NFKBIB: variants seen among roughly 807,000 people sequenced by gnomAD.
The protein encoded by NFKBIB is NF-kappa-B inhibitor beta.
In NFKBIB, 16 loss-of-function variants were observed where a neutral mutation model predicts 32.1. That is an observed-to-expected ratio of 0.50 (90% CI 0.34 to 0.76). The LOEUF is 0.76. Ranked by LOEUF, NFKBIB falls within the 30% of genes least tolerant of loss-of-function variation. The pLI is 0.01. For synonymous variants in NFKBIB, 222 were observed against 219.5 expected (o/e 1.01, Z -0.10); for missense variants, 437 against 514.9 (o/e 0.85, Z 1.46).
intron 1 of NFKBIB, 138 bp downstream of exon 1, chr19:38,900,349 C>A: frequency 1.1e-6 from 1 of 917,784 alleles, no homozygotes; most frequent in Non-Finnish European, 1.6e-6. Context: ...CTCTAACCCC[C>A]GAGTCCTAAC....
chr19:38,903,842 G>A (rs1300341636), intron 1 of NFKBIB, among the ~76,000 whole-genome samples: 3 of 152,012 alleles, frequency 2.0e-5, no homozygotes, highest in African/African-American at 7.2e-5. Context: ...AGGCCAAGGC[G>A]GGTGGATCAC....
In NFKBIB at chr19:38,905,306, G is replaced by C; in HGVS notation, c.390G>C (p.Ala130=). 1 of 1,607,866 alleles carries C rather than the reference G, an allele frequency of 6.2e-7. No homozygotes were observed. Among genetic ancestry groups the C allele is most frequent in the Non-Finnish European group, 8.5e-7 (1 of 1,178,178 alleles). The change falls in exon 3 of 6, where the codon GCG becomes GCC. Residue 130 remains alanine (A), a synonymous_variant. Coordinates refer to ENST00000313582, the MANE Select transcript of NFKBIB (RefSeq NM_002503.5). This position sits in a 1 kb window ranked among gnomAD's most constrained non-coding sequence, Gnocchi z 5.5. ...TGGCGGAGCGTAGGGGCCACACGGCGCTGCACCTGGCCTGCCGTGTGGGGG... is the reference window on the plus strand; with the variant it reads ...TGGCGGAGCGTAGGGGCCACACGGCCCTGCACCTGGCCTGCCGTGTGGGGG... ...LCVAERRGHT[A]LHLACRVGAH...
At chr19:38,906,155 T>TTTTTTTA (rs1974111132) in intron 3 of NFKBIB, among the ~76,000 whole-genome samples, 3 of 135,874 alleles carry the variant, frequency 2.2e-5, no homozygotes, top group African/African-American at 8.0e-5. Flanking sequence ...TTTTTTTTTT[T>TTTTTTTA]GAGACAGTCT....
intron 1 of NFKBIB, among the ~76,000 whole-genome samples, chr19:38,902,631 G>T (rs550048505): frequency 1.3e-5 from 2 of 151,036 alleles, no homozygotes; most frequent in African/African-American, 2.4e-5. Context: ...AAAATCAAAA[G>T]AATAATAATA....
intron 1 of NFKBIB, among the ~76,000 whole-genome samples, chr19:38,902,203 C>G (rs1221521225): frequency 6.6e-6 from 1 of 150,868 alleles, no homozygotes; most frequent in African/African-American, 2.4e-5. Context: ...GCCTCAGCCT[C>G]CCGAGTAGCT....
At chr19:38,899,930 G>A (rs1411698921), upstream of NFKBIB, 54 of 1,196,518 alleles carry the variant, frequency 4.5e-5, 1 homozygote, top group South Asian at 8.6e-4. Context: ...GGTGAATCAG[G>A]GGGCGTGGTG....
chr19:38,907,524 C>T lies in NFKBIB; in HGVS notation c.834C>T (p.Leu278=), dbSNP rs750595727. The T allele has an allele frequency of 2.6e-5, 42 of 1,612,546 alleles. No homozygotes were observed. The East Asian group carries it at 4.7e-4, about 18-fold the overall frequency. Residue 278 remains leucine (L), a synonymous_variant, in exon 5 of 6, where the codon CTC becomes CTT. Coordinates refer to ENST00000313582, the MANE Select transcript of NFKBIB (RefSeq NM_002503.5). ...GCATGTACGGTGGCCGCACCCCACT[C>T]GGCAGTGCCATGCTCCGGCCCAACC... ...AARMYGGRTP[L]GSAMLRPNPI... is the part of the protein sequence containing the mutation.
intron 1 of NFKBIB, 35 bp downstream of exon 1, chr19:38,900,246 GGACCCGGCGTCACATTC>G: frequency 6.5e-7 from 1 of 1,547,826 alleles, no homozygotes; most frequent in Non-Finnish European, 8.7e-7. Flanking sequence ...CGGAGCCCTA[GGACCCGGCGTCACATTC>G]CTCATTAATC....
chr19:38,901,757 T>A (rs1254088635), intron 1 of NFKBIB, among the ~76,000 whole-genome samples: 1 of 152,100 alleles, frequency 6.6e-6, no homozygotes, highest in African/African-American at 2.4e-5. Flanking sequence ...CCTCTCAGAG[T>A]GCTGGGATTA....
upstream of NFKBIB, chr19:38,899,748 G>A (rs529957919): frequency 2.8e-6 from 2 of 721,712 alleles, no homozygotes; most frequent in South Asian, 1.7e-5. Context: ...AGGTAAGAAA[G>A]CGCGCGAGGA....
At chr19:38,903,401 A>T (rs1264862001) in intron 1 of NFKBIB, among the ~76,000 whole-genome samples, 3 of 152,074 alleles carry the variant, frequency 2.0e-5, no homozygotes, top group Non-Finnish European at 4.4e-5. Flanking sequence ...GTCCTGCCTC[A>T]GCCTCCTGTG....
intron 1 of NFKBIB, among the ~76,000 whole-genome samples, chr19:38,901,902 T>C (rs1973977678): frequency 6.6e-6 from 1 of 152,028 alleles, no homozygotes; most frequent in South Asian, 2.1e-4. Flanking sequence ...TTAATTAGTG[T>C]TTAGACCATT....
In NFKBIB at chr19:38,907,596, G is replaced by C; in HGVS notation, c.906G>C (p.Glu302Asp). Residue 302 changes from glutamate to aspartate, a missense_variant, in exon 5 of 6, where the codon GAG becomes GAC. Glu to Asp is a conservative substitution (Grantham distance 45). Coordinates refer to ENST00000313582, the MANE Select transcript of NFKBIB (RefSeq NM_002503.5). ...LLRAHGAPEP[E>D]GEDEKSGPCS... Reference sequence around the variant, plus strand: ...GTGCACACGGAGCCCCTGAGCCCGAGGGCGAGGACGAGAAATCCGGCCCCT... The same window carrying C: ...GTGCACACGGAGCCCCTGAGCCCGACGGCGAGGACGAGAAATCCGGCCCCT... 6.2e-7 allele frequency: 1 copy of C among 1,612,016 alleles called. No homozygotes were observed. Among genetic ancestry groups the C allele is most frequent in the Non-Finnish European group, 8.5e-7 (1 of 1,179,498 alleles).
chr19:38,907,326 G>A lies in NFKBIB; in HGVS notation c.708+17G>A, dbSNP rs1324275269. 1.2e-6 allele frequency: 2 copies of A among 1,608,956 alleles called. No individual in the cohort carries two copies. The highest frequency in any genetic ancestry group is 1.7e-5 in the Admixed American group (1 of 59,860). The stretch of plus-strand genomic sequence containing the variant: ...GACAAACCGGTGAGCCCCAACCTCG[G>A]GGAAGATGCCGTCGGCGGGAGGGGG... On this transcript the variant is annotated intron_variant, in intron 4 of 5. Coordinates refer to ENST00000313582, the MANE Select transcript of NFKBIB (RefSeq NM_002503.5).
chr19:38,907,557 C>T lies in NFKBIB; in HGVS notation c.867C>T (p.Leu289=), dbSNP rs146392056. 1.1e-4 allele frequency: 182 copies of T among 1,612,490 alleles called. No individual in the cohort carries two copies. In the African/African-American group the frequency reaches 1.9e-3, roughly 17 times the overall value. ...GSAMLRPNPI[L]ARLLRAHGAP... is the part of the protein sequence containing the mutation. The stretch of plus-strand genomic sequence containing the variant: ...CCATGCTCCGGCCCAACCCCATCCT[C>T]GCCCGCCTCCTCCGTGCACACGGAG... Residue 289 remains leucine, a synonymous_variant, in exon 5 of 6, where the codon CTC becomes CTT. Coordinates refer to ENST00000313582, the MANE Select transcript of NFKBIB (RefSeq NM_002503.5).
At chr19:38,902,048 A>G (rs1204941010) in intron 1 of NFKBIB, among the ~76,000 whole-genome samples, 1 of 134,878 alleles carries the variant, frequency 7.4e-6, no homozygotes, top group African/African-American at 2.7e-5. Context: ...TTTTTTTTCA[A>G]TCCTGCTCCT....
chr19:38,905,331 G>C lies in NFKBIB; in HGVS notation c.415G>C (p.Ala139Pro), dbSNP rs1292210423. 1 of 1,610,404 alleles carries C rather than the reference G, an allele frequency of 6.2e-7. No homozygotes were observed. The highest frequency in any genetic ancestry group is 1.3e-5 in the African/African-American group (1 of 75,010). Residue 139 changes from alanine to proline, a missense_variant, in exon 3 of 6, where the codon GCA (alanine) becomes CCA (proline). Ala to Pro is a conservative substitution (Grantham distance 27). Transcript: ENST00000313582. This position sits in a 1 kb window ranked among gnomAD's most constrained non-coding sequence, Gnocchi z 5.5. ...TALHLACRVG[A>P]HACARALLQP... is the part of the protein sequence containing the mutation. ...GCTGCACCTGGCCTGCCGTGTGGGG[G>C]CACACGCCTGTGCCCGTGCCCTGCT...
chr19:38,903,064 A>T (rs1974016424), intron 1 of NFKBIB, among the ~76,000 whole-genome samples: 1 of 151,934 alleles, frequency 6.6e-6, no homozygotes, highest in Non-Finnish European at 1.5e-5. Flanking sequence ...ACGAGACTCC[A>T]TCTCAAAAAA....
chr19:38,908,601 G>A, intron 5 of NFKBIB, 130 bp from the exon 6 acceptor site: 1 of 1,388,428 alleles, frequency 7.2e-7, no homozygotes, highest in African/African-American at 1.5e-5. Context: ...GAAACTGGGA[G>A]GTTGAGCCAG....
Sources: gnomAD v4.1 joint callset for allele counts (sites outside exome capture counted in the v4.1 genomes callset) on GRCh38, gnomAD v4.1.1 for gene constraint, Gnocchi (gnomAD v3.1) non-coding constraint, MANE v1.5 for transcripts, NCBI Gene and HGNC (gene_info 2026-07-23, HGNC 2026-07-21) for gene names.